The following SLC8A2 variants were observed in gnomAD, a reference collection of about 807,000 sequenced individuals.
The protein encoded by SLC8A2 is solute carrier family 8 member A2, also known as sodium/calcium exchanger 2.
Under a neutral mutation model 70.2 loss-of-function variants are expected in SLC8A2, and 14 were observed. The observed-to-expected ratio is 0.20, with a 90% CI of 0.13 to 0.31. The LOEUF (loss-of-function observed/expected upper bound fraction) is 0.31, where lower values mean the gene tolerates loss of function less well. SLC8A2 is among the 10% of genes least tolerant of loss of function. The pLI, the probability that SLC8A2 is intolerant of heterozygous loss-of-function variation, is 1.00. For synonymous variants in SLC8A2, 575 were observed against 594.3 expected (o/e 0.97, Z 0.47); for missense variants, 779 against 1,320.1 (o/e 0.59, Z 6.35).
chr19:47,470,391 G>C (rs1389800200), intron 1 of SLC8A2, among the ~76,000 whole-genome samples: 2 of 126,436 alleles, frequency 1.6e-5, no homozygotes, highest in East Asian at 4.0e-4. Context: ...ACACACACCA[G>C]GGCTACAGGC....
At chr19:47,443,455 C>T (rs1426055574) in intron 4 of SLC8A2, among the ~76,000 whole-genome samples, 3 of 152,172 alleles carry the variant, frequency 2.0e-5, no homozygotes, top group East Asian at 3.8e-4. Flanking sequence ...GCCCCAGAAC[C>T]CAAAAACACA....
intron 6 of SLC8A2, among the ~76,000 whole-genome samples, chr19:47,440,311 G>T (rs1568441206): frequency 6.6e-6 from 1 of 152,014 alleles, no homozygotes; most frequent in Non-Finnish European, 1.5e-5. Context: ...CCTTAACATG[G>T]TCCTAACCCC....
intron 3 of SLC8A2, among the ~76,000 whole-genome samples, chr19:47,456,388 G>A (rs763338201): frequency 2.0e-5 from 3 of 152,178 alleles, no homozygotes; most frequent in Admixed American, 1.3e-4. Context: ...GAACATGGCC[G>A]GATGATGGCT....
chr19:47,430,049 G>C lies in SLC8A2; in HGVS notation c.*40C>G. 1 of 1,544,440 alleles carries C rather than the reference G, an allele frequency of 6.5e-7. No individual in the cohort carries two copies. The highest frequency in any genetic ancestry group is 2.0e-5 in the Admixed American group (1 of 50,132). Reference sequence around the variant, plus strand: ...AAGAGCAGGTGCAGCCGAGTCCCTAGCCCCGGGCGGGCGGTGGGGACGAGT... The same window carrying C: ...AAGAGCAGGTGCAGCCGAGTCCCTACCCCCGGGCGGGCGGTGGGGACGAGT... On this transcript the variant is annotated 3_prime_UTR_variant, in exon 10 of 10. Coordinates refer to ENST00000236877, the MANE Select transcript of SLC8A2 (RefSeq NM_015063.3). This position sits in a 1 kb window ranked among gnomAD's most constrained non-coding sequence, Gnocchi z 5.9.
In SLC8A2 at chr19:47,448,512, T is replaced by C. The variant is rs894240029; in HGVS notation, c.1341-281A>G. 2.0e-5 allele frequency among the ~76,000 whole-genome samples: 3 copies of C among 151,946 alleles called. No homozygotes were observed. Among genetic ancestry groups the C allele is most frequent in the African/African-American group, 7.3e-5 (3 of 41,352 alleles). On this transcript the variant is annotated intron_variant, in intron 3 of 9. Coordinates refer to ENST00000236877, the MANE Select transcript of SLC8A2 (RefSeq NM_015063.3). This position sits in a 1 kb window ranked among gnomAD's most constrained non-coding sequence, Gnocchi z 4.8. ...GGAATTAAACAGGTAATGATAAGGT[T>C]GAGATCAGGGCAGGCTTCCTGGAGG...
intron 3 of SLC8A2, among the ~76,000 whole-genome samples, chr19:47,450,837 C>T (rs970285448): frequency 3.3e-5 from 5 of 151,980 alleles, no homozygotes; most frequent in Non-Finnish European, 7.4e-5. Context: ...TACCTCCTGG[C>T]GCTGTGGTGA....
chr19:47,452,490 G>C (rs960469650), intron 3 of SLC8A2, among the ~76,000 whole-genome samples: 2 of 112,086 alleles, frequency 1.8e-5, no homozygotes, highest in African/African-American at 6.3e-5. Flanking sequence ...GTGTGTGTGT[G>C]TCTTGGTCTG....
chr19:47,437,454 C>T lies in SLC8A2; in HGVS notation c.2110+8G>A, dbSNP rs1967044180. ...TTTCTCTCTTCTCTCTCCTCCCTCC[C>T]CACTTACCTGCGCTCACCGTAATTG... On this transcript the variant is annotated splice_region_variant and intron_variant, in intron 8 of 9. Coordinates refer to ENST00000236877, the MANE Select transcript of SLC8A2 (RefSeq NM_015063.3). 6.4e-7 allele frequency: 1 copy of T among 1,566,898 alleles called. No homozygotes were observed. The highest frequency in any genetic ancestry group is 8.8e-7 in the Non-Finnish European group (1 of 1,137,126).
intron 6 of SLC8A2, among the ~76,000 whole-genome samples, chr19:47,438,903 T>C (rs1967064564): frequency 6.6e-6 from 1 of 152,176 alleles, no homozygotes; most frequent in South Asian, 2.1e-4. Flanking sequence ...ATGAGGAGCT[T>C]GACCACACGG....
Position 47,448,134 on chromosome 19 carries a change from C to A in SLC8A2, c.1438G>T (p.Val480Leu). Residue 480 changes from valine to leucine, a missense_variant, in exon 4 of 10, where the codon GTG becomes TTG. Physicochemically the swap from Val to Leu is conservative, Grantham distance 32 (BLOSUM62 1). Coordinates refer to ENST00000236877, the MANE Select transcript of SLC8A2 (RefSeq NM_015063.3). The surrounding 1 kb of genome is among the most constrained non-coding windows in gnomAD (Gnocchi z 4.8). ...DIFEEDEHFF[V>L]RLLNLRVGDA... ...CCCACGCGCAGGTTCAGCAGCCGCA[C>A]GAAGAAATGCTCGTCCTCCTCGAAG... 6.2e-7 allele frequency: 1 copy of A among 1,612,808 alleles called. No individual in the cohort carries two copies. The highest frequency in any genetic ancestry group is 1.3e-5 in the African/African-American group (1 of 75,056).
At chr19:47,450,242 G>A (rs1254353130) in intron 3 of SLC8A2, among the ~76,000 whole-genome samples, 1 of 152,156 alleles carries the variant, frequency 6.6e-6, no homozygotes, top group Non-Finnish European at 1.5e-5. Context: ...GGGTTCTGGG[G>A]CCGGGCGCGG....
rs1399930658 is a variant in SLC8A2, at chr19:47,465,630, T to C, written c.675+99A>G. The C allele has an allele frequency of 2.1e-5, 22 of 1,057,374 alleles. No individual in the cohort carries two copies. The allele number at this position is 1,057,374 out of a possible 1,614,324, so 65.5% of individuals were successfully genotyped here. A position where few individuals can be genotyped will look rare whatever the true frequency, so the allele number is the denominator to read the frequency against. On this transcript the variant is annotated intron_variant, in intron 2 of 9. Transcript: ENST00000236877. The surrounding 1 kb of genome is among the most constrained non-coding windows in gnomAD (Gnocchi z 5.5). Reference sequence around the variant, plus strand: ...CAGCCCTCTCAGATGTGAGTGTGCATTTCTGCAAATACAGCAATCAACACT... The same window carrying C: ...CAGCCCTCTCAGATGTGAGTGTGCACTTCTGCAAATACAGCAATCAACACT...
intron 2 of SLC8A2, among the ~76,000 whole-genome samples, chr19:47,458,368 G>A (rs1230186810): frequency 1.6e-4 from 20 of 124,508 alleles, no homozygotes; most frequent in Middle Eastern, 6.0e-3. Context: ...CCCTCTCCCC[G>A]TCTCTCCCCA....
At chr19:47,442,709 G>A (rs566597592) in intron 4 of SLC8A2, among the ~76,000 whole-genome samples, 3 of 152,266 alleles carry the variant, frequency 2.0e-5, no homozygotes, top group African/African-American at 7.2e-5. Flanking sequence ...TTGGAGACAA[G>A]ATCTTGCTGT....
At position 47,447,426 on chromosome 19, in the gene SLC8A2, C is replaced by G. The variant is rs900427988; in HGVS notation, c.1763+383G>C. Reference sequence around the variant, plus strand: ...GTCCCCCCTTCCTCCTTGGGGCCCTCTTCTCACCTGTCCGGCCACCCTTCT... The same window carrying G: ...GTCCCCCCTTCCTCCTTGGGGCCCTGTTCTCACCTGTCCGGCCACCCTTCT... On this transcript the variant is annotated intron_variant, in intron 4 of 9. Coordinates refer to ENST00000236877, the MANE Select transcript of SLC8A2 (RefSeq NM_015063.3). This position sits in a 1 kb window ranked among gnomAD's most constrained non-coding sequence, Gnocchi z 5.1. 3.5e-6 allele frequency: 1 copy of G among 285,108 alleles called. No individual in the cohort carries two copies. Among genetic ancestry groups the G allele is most frequent in the Non-Finnish European group, 6.6e-6 (1 of 150,384 alleles). The allele number at this position is 285,108 out of a possible 1,614,324, so 17.7% of individuals were successfully genotyped here.
chr19:47,439,195 G>A (rs890109091), intron 6 of SLC8A2, among the ~76,000 whole-genome samples: 2 of 152,172 alleles, frequency 1.3e-5, no homozygotes, highest in Non-Finnish European at 2.9e-5. Context: ...CCACATGGCA[G>A]AAGAAAGCCA....
chr19:47,448,130 C>T lies in SLC8A2; in HGVS notation c.1442G>A (p.Arg481Gln), dbSNP rs1288671416. 4 of 1,612,514 alleles carry T rather than the reference C, an allele frequency of 2.5e-6. No homozygotes were observed. In the Admixed American group the frequency reaches 5.0e-5, roughly 20 times the overall value. The change falls in exon 4 of 10, where the codon CGG (arginine) becomes CAG (glutamine). Residue 481 changes from arginine (R) to glutamine (Q), a missense_variant. Coordinates refer to ENST00000236877, the MANE Select transcript of SLC8A2 (RefSeq NM_015063.3). The surrounding 1 kb of genome is among the most constrained non-coding windows in gnomAD (Gnocchi z 4.8). ...IFEEDEHFFVRLLNLRVGDAQ... is the reference protein window; with the variant it reads ...IFEEDEHFFVQLLNLRVGDAQ... ...GTCGCCCACGCGCAGGTTCAGCAGC[C>T]GCACGAAGAAATGCTCGTCCTCCTC... is the stretch of plus-strand genomic sequence containing the variant.
In SLC8A2 at chr19:47,460,260, T is replaced by C. The variant is rs1045599429; in HGVS notation, c.676-2666A>G. ...ATGCACAGCCAGGGCAGCTCTGAGT[T>C]GGGAGCCTGGCTTTACCACAGGGAT... On this transcript the variant is annotated intron_variant, in intron 2 of 9. Coordinates refer to ENST00000236877, the MANE Select transcript of SLC8A2 (RefSeq NM_015063.3). Among the ~76,000 whole-genome samples, 4 of 152,204 alleles carry C rather than the reference T, an allele frequency of 2.6e-5. No homozygotes were observed. In the South Asian group the frequency reaches 8.3e-4, roughly 31 times the overall value.
intron 3 of SLC8A2, among the ~76,000 whole-genome samples, chr19:47,452,981 C>T (rs1364091233): frequency 6.6e-6 from 1 of 152,002 alleles, no homozygotes; most frequent in African/African-American, 2.4e-5. Flanking sequence ...TGCAGTGAGC[C>T]GAGATCGTGC....
Sources: gnomAD v4.1 joint callset for allele counts (sites outside exome capture counted in the v4.1 genomes callset) on GRCh38, gnomAD v4.1.1 for gene constraint, Gnocchi (gnomAD v3.1) non-coding constraint, MANE v1.5 for transcripts, NCBI Gene and HGNC (gene_info 2026-07-23, HGNC 2026-07-21) for gene names.